GALNT18: variants seen among roughly 807,000 people sequenced by gnomAD.
GALNT18 encodes the protein polypeptide N-acetylgalactosaminyltransferase 18.
A neutral mutation model predicts 69.5 loss-of-function variants in GALNT18; 44 were observed. The ratio of observed to expected loss-of-function variants is 0.63; its 90% CI spans 0.50 to 0.81. GALNT18 has a LOEUF of 0.81. Ranked by LOEUF, GALNT18 falls within the 40% of genes least tolerant of loss-of-function variation. The pLI is 0.00. For missense variants in GALNT18, 715 were observed against 810.0 expected (o/e 0.88, Z 1.42); for synonymous variants, 364 against 318.2 (o/e 1.14, Z -1.53).
intron 1 of GALNT18, among the ~76,000 whole-genome samples, chr11:11,531,999 T>A (rs1398358426): frequency 1.3e-5 from 2 of 152,194 alleles, no homozygotes; most frequent in Non-Finnish European, 2.9e-5. Context: ...GTCATGAACA[T>A]ATGCATAGGA....
chr11:11,408,624 C>T (rs1190133346), intron 3 of GALNT18, among the ~76,000 whole-genome samples: 1 of 152,110 alleles, frequency 6.6e-6, no homozygotes, highest in African/African-American at 2.4e-5. Flanking sequence ...AGAGGCTGCC[C>T]CCTCAGTCTC....
intron 2 of GALNT18, among the ~76,000 whole-genome samples, chr11:11,446,997 G>T (rs767059795): frequency 6.6e-6 from 1 of 152,100 alleles, no homozygotes; most frequent in Admixed American, 6.6e-5. Context: ...GTTTTTTAAG[G>T]CTCCCGTGAT....
At chr11:11,529,641 A>G (rs1857597648) in intron 1 of GALNT18, among the ~76,000 whole-genome samples, 1 of 61,638 alleles carries the variant, frequency 1.6e-5, no homozygotes, top group Non-Finnish European at 3.4e-5. Flanking sequence ...ATATATATAC[A>G]CACACACACA....
chr11:11,460,323 A>C (rs1417012394), intron 1 of GALNT18, among the ~76,000 whole-genome samples: 1 of 152,136 alleles, frequency 6.6e-6, no homozygotes, highest in African/African-American at 2.4e-5. Flanking sequence ...AGATTCTAAT[A>C]CTTCACTCAC....
Position 11,382,593 on chromosome 11 carries a change from T to C in GALNT18, c.596-3329A>G, listed in dbSNP as rs373505959. ...AACACAAGTACCCAGCCCATCATAT[T>C]TGCCTTCTTGCTAAGGCTGCCAGGA... On this transcript the variant is annotated intron_variant, in intron 3 of 10. Coordinates refer to ENST00000227756, the MANE Select transcript of GALNT18 (RefSeq NM_198516.3). The surrounding 1 kb of genome is among the most constrained non-coding windows in gnomAD (Gnocchi z 4.3). Among the ~76,000 whole-genome samples the C allele has an allele frequency of 1.3e-5, 2 of 152,212 alleles. No homozygotes were observed. Among genetic ancestry groups the C allele is most frequent in the Non-Finnish European group, 2.9e-5 (2 of 68,032 alleles).
At chr11:11,290,801 G>C (rs571842185) in intron 10 of GALNT18, among the ~76,000 whole-genome samples, 8 of 152,284 alleles carry the variant, frequency 5.3e-5, no homozygotes, top group African/African-American at 1.9e-4. Context: ...AGGCCCAGCA[G>C]GTCTGGCTGA....
chr11:11,332,842 A>T lies in GALNT18; in HGVS notation c.1279-11T>A. 1 of 1,612,038 alleles carries T rather than the reference A, an allele frequency of 6.2e-7. No individual in the cohort carries two copies. Reference sequence around the variant, plus strand: ...GTCAATTCCTGAGTCCTGCACAGGGACGCAGAAGCAGAGATGAAGCCACTC... The same window carrying T: ...GTCAATTCCTGAGTCCTGCACAGGGTCGCAGAAGCAGAGATGAAGCCACTC... On this transcript the variant is annotated splice_polypyrimidine_tract_variant and intron_variant, in intron 7 of 10. Transcript: ENST00000227756. The surrounding 1 kb of genome is among the most constrained non-coding windows in gnomAD (Gnocchi z 4.3).
chr11:11,452,935 G>T (rs551185517), intron 1 of GALNT18, among the ~76,000 whole-genome samples: 1 of 152,344 alleles, frequency 6.6e-6, no homozygotes, highest in South Asian at 2.1e-4. Flanking sequence ...CAGAGATTGA[G>T]CAGGGCACAA....
rs1357225695 is a variant in GALNT18 at position 11,469,396 on chromosome 11, GCTATGT to G, written c.236-20466_236-20461del. ...AGTCCTCGTCAAGTTTGTTGTTATG[GCTATGT>G]CTTTTACAGGGTCCAGTACAGATCT... On this transcript the variant is annotated intron_variant, in intron 1 of 10. Coordinates refer to ENST00000227756, the MANE Select transcript of GALNT18 (RefSeq NM_198516.3). The surrounding 1 kb of genome is among the most constrained non-coding windows in gnomAD (Gnocchi z 4.2). Among the ~76,000 whole-genome samples the G allele has an allele frequency of 8.5e-5, 13 of 152,266 alleles. No individual in the cohort carries two copies. The highest frequency in any genetic ancestry group is 3.1e-4 in the African/African-American group (13 of 41,560).
Position 11,432,717 on chromosome 11 carries a change from G to C in GALNT18, c.499C>G (p.Leu167Val), listed in dbSNP as rs780704340. 2 of 1,614,060 alleles carry C rather than the reference G, an allele frequency of 1.2e-6. No individual in the cohort carries two copies. The highest frequency in any genetic ancestry group is 4.5e-5 in the East Asian group (2 of 44,872). The change falls in exon 3 of 11, where the codon CTT becomes GTT. Residue 167 changes from leucine to valine, a missense_variant. Physicochemically the swap from Leu to Val is conservative, Grantham distance 32. Transcript: ENST00000227756. This position sits in a 1 kb window ranked among gnomAD's most constrained non-coding sequence, Gnocchi z 5.8. Reference sequence around the variant, plus strand: ...TGGATGGAGCGCAGCAGCACTGAAAGCGCTTCATTGACGAAGATGAACACG... The same window carrying C: ...TGGATGGAGCGCAGCAGCACTGAAACCGCTTCATTGACGAAGATGAACACG... Reference protein sequence around the residue: ...SIVFIFVNEALSVLLRSIHSA... With the variant: ...SIVFIFVNEAVSVLLRSIHSA...
At chr11:11,593,782 A>G (rs1380226864) in intron 1 of GALNT18, among the ~76,000 whole-genome samples, 2 of 151,850 alleles carry the variant, frequency 1.3e-5, no homozygotes, top group African/African-American at 4.8e-5. Context: ...AATAAAATAA[A>G]GTAAAATAAA....
intron 9 of GALNT18, among the ~76,000 whole-genome samples, chr11:11,323,528 C>T (rs911527692): frequency 3.9e-5 from 6 of 152,256 alleles, no homozygotes; most frequent in Non-Finnish European, 5.9e-5. Flanking sequence ...GCATCACTAC[C>T]GTGGCTGTGT....
chr11:11,353,019 C>T (rs911046789), intron 6 of GALNT18: 2 of 1,614,068 alleles, frequency 1.2e-6, no homozygotes, highest in Non-Finnish European at 1.7e-6. Context: ...ATCTTGATTT[C>T]CCCATTCCAC....
intron 3 of GALNT18, among the ~76,000 whole-genome samples, chr11:11,408,254 G>A (rs1286282692): frequency 6.7e-6 from 1 of 150,320 alleles, no homozygotes; most frequent in African/African-American, 2.5e-5. Flanking sequence ...TACAATCCCA[G>A]CTACTTGGGA....
chr11:11,509,814 G>C (rs140833431), intron 1 of GALNT18, among the ~76,000 whole-genome samples: 1 of 152,236 alleles, frequency 6.6e-6, no homozygotes, highest in Non-Finnish European at 1.5e-5. Context: ...TAACACATGC[G>C]CTACTCCATC....
At chr11:11,331,723 T>C (rs547557544) in intron 8 of GALNT18, among the ~76,000 whole-genome samples, 1 of 152,288 alleles carries the variant, frequency 6.6e-6, no homozygotes, top group East Asian at 1.9e-4. Context: ...AATCACTCTT[T>C]GACTCTGTTT....
chr11:11,471,589 T>C (rs755330801), intron 1 of GALNT18, among the ~76,000 whole-genome samples: 1 of 152,206 alleles, frequency 6.6e-6, no homozygotes, highest in Admixed American at 6.5e-5. Context: ...AGCTCCACCA[T>C]GAAATTTTTA....
chr11:11,355,053 G>C (rs962217843), intron 6 of GALNT18, among the ~76,000 whole-genome samples: 16 of 152,200 alleles, frequency 1.1e-4, no homozygotes, highest in African/African-American at 3.9e-4. Flanking sequence ...TTTTGTGTGG[G>C]CATCTCCATC....
At chr11:11,305,677 A>C (rs1026796948) in intron 9 of GALNT18, among the ~76,000 whole-genome samples, 1 of 152,062 alleles carries the variant, frequency 6.6e-6, no homozygotes, top group African/African-American at 2.4e-5. Context: ...ACCTCCGAGG[A>C]TGTTGGCAGA....
Sources: gnomAD v4.1 joint callset for allele counts (sites outside exome capture counted in the v4.1 genomes callset) on GRCh38, gnomAD v4.1.1 for gene constraint, Gnocchi (gnomAD v3.1) non-coding constraint, MANE v1.5 for transcripts, NCBI Gene and HGNC (gene_info 2026-07-23, HGNC 2026-07-21) for gene names.